KIAA1549L: variants seen among roughly 807,000 people sequenced by gnomAD.
The protein encoded by KIAA1549L is UPF0606 protein KIAA1549L.
In KIAA1549L, 88 loss-of-function variants were observed where a neutral mutation model predicts 160.7. That is an observed-to-expected ratio of 0.55 (90% CI 0.46 to 0.65). KIAA1549L has a LOEUF of 0.65. KIAA1549L is among the 30% of genes least tolerant of loss of function. The pLI is 0.00. For synonymous variants in KIAA1549L, 950 were observed against 976.7 expected, an observed-to-expected ratio of 0.97 and a Z score of 0.51; for missense variants, 2,258 against 2,437.5, an observed-to-expected ratio of 0.93 and a Z score of 1.55.
intron 17 of KIAA1549L, among the ~76,000 whole-genome samples, chr11:33,652,334 A>G (rs779903609): frequency 1.3e-5 from 2 of 152,090 alleles, no homozygotes; most frequent in Non-Finnish European, 2.9e-5. Context: ...GATTCCTTCA[A>G]CCACGAGCAC....
At chr11:33,379,934 A>T (rs1191409333) in intron 1 of KIAA1549L, among the ~76,000 whole-genome samples, 2 of 152,226 alleles carry the variant, frequency 1.3e-5, no homozygotes, top group African/African-American at 2.4e-5. Context: ...AAGCTCCTCA[A>T]GAAGAGGGCG....
intron 7 of KIAA1549L, 111 bp downstream of exon 7, chr11:33,560,022 C>T: frequency 2.0e-6 from 2 of 1,016,350 alleles, no homozygotes; most frequent in Non-Finnish European, 3.0e-6. Flanking sequence ...CATAAAGTGA[C>T]AGCTAAAATA....
chr11:33,550,643 C>T (rs1854427637), intron 4 of KIAA1549L, among the ~76,000 whole-genome samples: 1 of 152,154 alleles, frequency 6.6e-6, no homozygotes. Flanking sequence ...TCTATCATTT[C>T]TACCTTTTAA....
intron 1 of KIAA1549L, among the ~76,000 whole-genome samples, chr11:33,391,603 C>G (rs767002222): frequency 7.9e-5 from 12 of 152,180 alleles, no homozygotes; most frequent in Non-Finnish European, 1.5e-4. Context: ...GAGAAGGAGA[C>G]TGGGAGTCTT....
chr11:33,536,417 G>A (rs1227623111), intron 1 of KIAA1549L, among the ~76,000 whole-genome samples: 1 of 152,198 alleles, frequency 6.6e-6, no homozygotes. Context: ...AGGCAGGCTT[G>A]GCTCAGCTGG....
At chr11:33,454,852 G>A (rs1851790070) in intron 1 of KIAA1549L, among the ~76,000 whole-genome samples, 1 of 152,202 alleles carries the variant, frequency 6.6e-6, no homozygotes, top group Non-Finnish European at 1.5e-5. Context: ...CACTTTGGGA[G>A]GCCGAGGCGG....
chr11:33,424,030 G>GAAA (rs552324125), intron 1 of KIAA1549L, among the ~76,000 whole-genome samples: 1 of 143,024 alleles, frequency 7.0e-6, no homozygotes, highest in African/African-American at 2.5e-5. Flanking sequence ...CTCTGTCTTG[G>GAAA]AAAAAAAAAA....
chr11:33,633,180 G>GTTTTTT (rs1554926434), intron 16 of KIAA1549L, among the ~76,000 whole-genome samples: 1 of 66,982 alleles, frequency 1.5e-5, no homozygotes, highest in African/African-American at 6.7e-5. Context: ...TGTATTTTTA[G>GTTTTTT]TAGAGACAGG....
At chr11:33,530,122 C>T (rs182020468) in intron 1 of KIAA1549L, among the ~76,000 whole-genome samples, 2 of 151,558 alleles carry the variant, frequency 1.3e-5, no homozygotes, top group African/African-American at 2.4e-5. Context: ...GGGCCGGGCG[C>T]GGTGGCTCAC....
intron 1 of KIAA1549L, among the ~76,000 whole-genome samples, chr11:33,452,194 C>G (rs1851734454): frequency 6.6e-6 from 1 of 152,218 alleles, no homozygotes. Flanking sequence ...CTGCCCTTCT[C>G]ATATGCAGGA....
intron 1 of KIAA1549L, among the ~76,000 whole-genome samples, chr11:33,458,012 C>G (rs1394485114): frequency 1.3e-5 from 2 of 152,214 alleles, no homozygotes; most frequent in African/African-American, 4.8e-5. Flanking sequence ...GGGCTTCATT[C>G]TCTCATCCCA....
chr11:33,605,997 T>A (rs2133320434), intron 13 of KIAA1549L, among the ~76,000 whole-genome samples: 1 of 152,302 alleles, frequency 6.6e-6, no homozygotes, highest in South Asian at 2.1e-4. Context: ...TAGGTAGAAA[T>A]CCTTCTACTT....
chr11:33,433,338 A>C (rs1156474473), intron 1 of KIAA1549L, among the ~76,000 whole-genome samples: 1 of 152,256 alleles, frequency 6.6e-6, no homozygotes, highest in Non-Finnish European at 1.5e-5. Context: ...CAAATGTGAA[A>C]AAAGGCTCAA....
At chr11:33,414,046 A>T (rs1379159819) in intron 1 of KIAA1549L, among the ~76,000 whole-genome samples, 1 of 152,250 alleles carries the variant, frequency 6.6e-6, no homozygotes, top group Non-Finnish European at 1.5e-5. Flanking sequence ...GTCTCCTGGG[A>T]AACTCTGAGA....
intron 1 of KIAA1549L, among the ~76,000 whole-genome samples, chr11:33,429,237 G>A (rs542937695): frequency 5.9e-5 from 9 of 152,316 alleles, no homozygotes; most frequent in African/African-American, 9.6e-5. Flanking sequence ...CTCCCAAAGT[G>A]CTGGGATTAT....
chr11:33,625,448 A>G (rs955694615), intron 16 of KIAA1549L, among the ~76,000 whole-genome samples: 231 of 152,246 alleles, frequency 1.5e-3, no homozygotes, highest in Non-Finnish European at 1.9e-3. Context: ...AATGATTGCC[A>G]TTCTAACTGG....
chr11:33,545,835 A>G (rs1854239002), intron 3 of KIAA1549L, among the ~76,000 whole-genome samples: 1 of 152,248 alleles, frequency 6.6e-6, no homozygotes, highest in African/African-American at 2.4e-5. Context: ...ACATGAATGA[A>G]TGATGTGGTT....
intron 1 of KIAA1549L, among the ~76,000 whole-genome samples, chr11:33,527,914 G>A (rs1187531806): frequency 6.6e-6 from 1 of 152,160 alleles, no homozygotes; most frequent in Non-Finnish European, 1.5e-5. Context: ...GTCATGGGAG[G>A]AACCTGCTGA....
At chr11:33,435,705 C>A (rs1851337672) in intron 1 of KIAA1549L, among the ~76,000 whole-genome samples, 2 of 140,660 alleles carry the variant, frequency 1.4e-5, no homozygotes. Context: ...TCCAAAGTAA[C>A]CCTGAAGTAG....
Sources: gnomAD v4.1 joint callset for allele counts (sites outside exome capture counted in the v4.1 genomes callset) on GRCh38, gnomAD v4.1.1 for gene constraint, MANE v1.5 for transcripts, NCBI Gene and HGNC (gene_info 2026-07-23, HGNC 2026-07-21) for gene names.